TAF4B: variants seen among roughly 807,000 people sequenced by gnomAD.
The protein encoded by TAF4B is transcription initiation factor TFIID subunit 4B.
Under a neutral mutation model 86.4 loss-of-function variants are expected in TAF4B, and 38 were observed. The observed-to-expected ratio is 0.44, with a 90% CI of 0.34 to 0.58. The LOEUF (loss-of-function observed/expected upper bound fraction) is 0.58, where lower values mean the gene tolerates loss of function less well. TAF4B is among the 20% of genes least tolerant of loss of function. The probability of loss-of-function intolerance (pLI) is 0.02; values close to 1 mark genes in which losing one functional copy is unlikely to be tolerated. For missense variants in TAF4B, 988 were observed against 1,027.6 expected, an observed-to-expected ratio of 0.96 and a Z score of 0.53; for synonymous variants, 388 against 391.2, an observed-to-expected ratio of 0.99 and a Z score of 0.10.
intron 9 of TAF4B, among the ~76,000 whole-genome samples, chr18:26,302,238 CTTAATT>C (rs1406595459): frequency 6.6e-6 from 1 of 151,770 alleles, no homozygotes; most frequent in Admixed American, 6.6e-5. Flanking sequence ...AACAGAAATT[CTTAATT>C]TTAAAGTTGT....
intron 13 of TAF4B, 50 bp from the exon 14 acceptor site, chr18:26,357,640 C>A: frequency 1.5e-6 from 2 of 1,293,732 alleles, no homozygotes; most frequent in South Asian, 1.4e-5. Flanking sequence ...CTTTTTCCCT[C>A]TGAGCATGAA....
At chr18:26,266,450 T>C (rs1167019488) in intron 2 of TAF4B, among the ~76,000 whole-genome samples, 1 of 152,214 alleles carries the variant, frequency 6.6e-6, no homozygotes, top group African/African-American at 2.4e-5. Flanking sequence ...GAAATTATCT[T>C]TAAGAAATAC....
chr18:26,299,614 A>G (rs1326867066), intron 9 of TAF4B, among the ~76,000 whole-genome samples: 1 of 152,138 alleles, frequency 6.6e-6, no homozygotes, highest in Non-Finnish European at 1.5e-5. Context: ...TCTTCCTTAA[A>G]TGTATGAATG....
At position 26,375,904 on chromosome 18, in the gene TAF4B, A is replaced by G. The variant is rs181704598; in HGVS notation, c.2422-13941A>G. On this transcript the variant is annotated intron_variant, in intron 14 of 14. Coordinates refer to ENST00000269142, the MANE Select transcript of TAF4B (RefSeq NM_005640.3). Reference sequence around the variant, plus strand: ...GTATATGGCGTCAGGTAGGGGCCCAAATTCATTCTTTTGCGTGTGGCTATC... The same window carrying G: ...GTATATGGCGTCAGGTAGGGGCCCAGATTCATTCTTTTGCGTGTGGCTATC... Among the ~76,000 whole-genome samples the G allele has an allele frequency of 3.2e-4, 48 of 152,166 alleles. No homozygotes were observed. The East Asian group carries it at 8.5e-3, about 27-fold the overall frequency.
At chr18:26,326,373 T>C (rs903363919) in intron 11 of TAF4B, among the ~76,000 whole-genome samples, 3 of 152,220 alleles carry the variant, frequency 2.0e-5, no homozygotes, top group Non-Finnish European at 2.9e-5. Context: ...CATTTATAAA[T>C]TGTATACTAA....
chr18:26,367,530 C>T (rs1039593312), intron 14 of TAF4B, among the ~76,000 whole-genome samples: 21 of 152,280 alleles, frequency 1.4e-4, no homozygotes, highest in African/African-American at 5.1e-4. Context: ...CTGATTGGGT[C>T]ATGCATCCTT....
intron 11 of TAF4B, among the ~76,000 whole-genome samples, 157 bp from the exon 12 acceptor site, chr18:26,326,858 G>T (rs2057008878): frequency 6.6e-6 from 1 of 152,126 alleles, no homozygotes; most frequent in South Asian, 2.1e-4. Flanking sequence ...TGGATGTAGG[G>T]GGATGTTTGC....
intron 3 of TAF4B, among the ~76,000 whole-genome samples, chr18:26,271,180 T>C (rs908680757): frequency 3.9e-5 from 6 of 152,220 alleles, no homozygotes; most frequent in Admixed American, 3.9e-4. Context: ...ATTGTCAGAC[T>C]GTAAATGCAA....
intron 1 of TAF4B, among the ~76,000 whole-genome samples, chr18:26,237,137 A>G (rs565441990): frequency 3.3e-5 from 5 of 152,326 alleles, no homozygotes; most frequent in South Asian, 2.1e-4. Context: ...GATCCGTACT[A>G]GGGATGGCTT....
intron 14 of TAF4B, among the ~76,000 whole-genome samples, chr18:26,373,718 CT>C (rs1436160697): frequency 1.3e-5 from 2 of 151,960 alleles, no homozygotes; most frequent in Non-Finnish European, 2.9e-5. Context: ...TCTTTCCATC[CT>C]TTTTTTAGGA....
At chr18:26,336,106 C>T (rs1202565256) in intron 13 of TAF4B, among the ~76,000 whole-genome samples, 1 of 152,144 alleles carries the variant, frequency 6.6e-6, no homozygotes, top group Non-Finnish European at 1.5e-5. Context: ...AGCCTGTTCA[C>T]ATTTCTGATT....
intron 5 of TAF4B, among the ~76,000 whole-genome samples, chr18:26,276,483 C>T (rs1275312805): frequency 6.6e-6 from 1 of 152,108 alleles, no homozygotes; most frequent in Non-Finnish European, 1.5e-5. Flanking sequence ...TAAAAATTAT[C>T]CCTTTTTCCA....
chr18:26,359,701 A>G (rs2057315675), intron 14 of TAF4B, among the ~76,000 whole-genome samples: 1 of 152,074 alleles, frequency 6.6e-6, no homozygotes, highest in African/African-American at 2.4e-5. Context: ...GCGACCGTCA[A>G]TTTAATTTTA....
At chr18:26,335,762 T>G (rs2057085554) in intron 13 of TAF4B, among the ~76,000 whole-genome samples, 2 of 152,206 alleles carry the variant, frequency 1.3e-5, no homozygotes, top group South Asian at 4.1e-4. Context: ...TAGCTTAGAC[T>G]GGTTAAGCTT....
intron 14 of TAF4B, among the ~76,000 whole-genome samples, chr18:26,378,196 A>G (rs1025041096): frequency 3.3e-5 from 5 of 152,152 alleles, no homozygotes; most frequent in African/African-American, 1.2e-4. Context: ...AGTACTAAAC[A>G]TTGCACATCG....
chr18:26,361,503 TGGGAGGC>T (rs1293937826), intron 14 of TAF4B, among the ~76,000 whole-genome samples: 9 of 151,628 alleles, frequency 5.9e-5, no homozygotes, highest in Non-Finnish European at 1.2e-4. Flanking sequence ...CCCAGCACAT[TGGGAGGC>T]TGAGGTGGGC....
intron 13 of TAF4B, among the ~76,000 whole-genome samples, chr18:26,350,421 C>T (rs962749369): frequency 2.6e-5 from 4 of 152,158 alleles, no homozygotes; most frequent in Admixed American, 2.6e-4. Context: ...CCTATACTCT[C>T]AACACTTGGG....
intron 9 of TAF4B, among the ~76,000 whole-genome samples, chr18:26,301,523 G>C (rs1381220851): frequency 2.6e-5 from 4 of 152,098 alleles, no homozygotes; most frequent in South Asian, 2.1e-4. Flanking sequence ...TGAACTCCAG[G>C]CCTCGAGTGA....
intron 14 of TAF4B, among the ~76,000 whole-genome samples, chr18:26,361,193 G>T (rs2057326769): frequency 6.6e-6 from 1 of 151,596 alleles, no homozygotes; most frequent in Non-Finnish European, 1.5e-5. Context: ...TCTATACCCG[G>T]TAAACAATTC....
Sources: gnomAD v4.1 joint callset for allele counts (sites outside exome capture counted in the v4.1 genomes callset) on GRCh38, gnomAD v4.1.1 for gene constraint, MANE v1.5 for transcripts, NCBI Gene and HGNC (gene_info 2026-07-23, HGNC 2026-07-21) for gene names.